KCNQ1: variants seen among roughly 807,000 people sequenced by gnomAD.
KCNQ1 encodes potassium voltage-gated channel subfamily Q member 1.
KCNQ1 carries 49 observed loss-of-function variants against 72.4 expected under a neutral mutation model. That is an observed-to-expected ratio of 0.68 (90% CI 0.54 to 0.86). The LOEUF (loss-of-function observed/expected upper bound fraction) is 0.86. KCNQ1 is among the 40% of genes least tolerant of loss of function. KCNQ1 has a pLI of 0.00. For synonymous variants in KCNQ1, 450 were observed against 412.6 expected, an observed-to-expected ratio of 1.09 and a Z score of -1.10; for missense variants, 790 against 945.1, an observed-to-expected ratio of 0.84 and a Z score of 2.15.
intron 15 of KCNQ1, among the ~76,000 whole-genome samples, chr11:2,779,844 G>C (rs1363478922): frequency 1.3e-5 from 2 of 152,230 alleles, no homozygotes; most frequent in Non-Finnish European, 2.9e-5. Flanking sequence ...AGAGGGGCCA[G>C]CGCTGGCCTT....
intron 1 of KCNQ1, among the ~76,000 whole-genome samples, chr11:2,513,007 C>T (rs1285273558): frequency 1.3e-5 from 2 of 152,132 alleles, no homozygotes; most frequent in Non-Finnish European, 2.9e-5. Flanking sequence ...GGAGAGTTGG[C>T]GGCTCAGGAA....
intron 2 of KCNQ1, 55 bp from the exon 3 acceptor site, chr11:2,570,573 G>A: frequency 2.5e-6 from 4 of 1,605,280 alleles, no homozygotes; most frequent in Non-Finnish European, 3.4e-6. Flanking sequence ...TGCAGGGTCT[G>A]AAGCCACTCA....
Position 2,677,304 on chromosome 11 carries a change from A to G in KCNQ1, c.1514+15223A>G, listed in dbSNP as rs1046874778. The G allele has an allele frequency of 4.3e-5, 17 of 398,642 alleles. No individual in the cohort carries two copies. In the East Asian group the frequency reaches 6.1e-4, roughly 14 times the overall value. The allele number at this position is 398,642 out of a possible 1,614,324, so 24.7% of individuals were successfully genotyped here. On this transcript the variant is annotated intron_variant, in intron 11 of 15. Coordinates refer to ENST00000155840, the MANE Select transcript of KCNQ1 (RefSeq NM_000218.3). This position sits in a 1 kb window ranked among gnomAD's most constrained non-coding sequence, Gnocchi z 4.5. Reference sequence around the variant, plus strand: ...CTTGTCAAAATAGGAGATTTCATCAAGTTAAAGAAAATGATGTCAAATGAT... The same window carrying G: ...CTTGTCAAAATAGGAGATTTCATCAGGTTAAAGAAAATGATGTCAAATGAT...
chr11:2,461,714 AGTAGGTACCCC>A (rs1267886032), intron 1 of KCNQ1: 1 of 1,366,712 alleles, frequency 7.3e-7, no homozygotes, highest in African/African-American at 1.5e-5. Flanking sequence ...CCTGGCATGG[AGTAGGTACCCC>A]GGGGGTGGAC....
rs113892768 is a variant in KCNQ1, at chr11:2,558,425, C to A, written c.478-12203C>A. ...ATTCAGTGTGCTGGGGGTCTCCAGG[C>A]GGGGGGGTCCACATAGTTTTTGCTT... On this transcript the variant is annotated intron_variant, in intron 2 of 15. Transcript: ENST00000155840. 1.6e-4 allele frequency among the ~76,000 whole-genome samples: 24 copies of A among 152,176 alleles called. 1 individual carries two copies. Among genetic ancestry groups the A allele is most frequent in the African/African-American group, 5.3e-4 (22 of 41,458 alleles).
rs1384062987 is a variant in KCNQ1 at position 2,464,593 on chromosome 11, G to C, written c.386+19109G>C. On this transcript the variant is annotated intron_variant, in intron 1 of 15. Transcript: ENST00000155840. This position sits in a 1 kb window ranked among gnomAD's most constrained non-coding sequence, Gnocchi z 5.0. The stretch of plus-strand genomic sequence containing the variant: ...ACATTGGGCCCTGCACCAGGCATGA[G>C]TCCCATGTCCTGTCCTTGGGGAGGC... 6.6e-6 allele frequency among the ~76,000 whole-genome samples: 1 copy of C among 151,980 alleles called. No homozygotes were observed. Among genetic ancestry groups the C allele is most frequent in the Non-Finnish European group, 1.5e-5 (1 of 67,988 alleles).
intron 11 of KCNQ1, chr11:2,672,179 T>C: frequency 2.5e-6 from 1 of 398,696 alleles, no homozygotes; most frequent in Non-Finnish European, 4.4e-6. Context: ...GTGTTTTCTT[T>C]AGGTTCATGT....
intron 1 of KCNQ1, among the ~76,000 whole-genome samples, chr11:2,466,337 C>A (rs531519859): frequency 1.4e-4 from 21 of 152,254 alleles, no homozygotes; most frequent in Admixed American, 4.6e-4. Context: ...GCTGGGACTT[C>A]CCCTCCCCAG....
In KCNQ1 at chr11:2,748,229, C is replaced by T. The variant is rs1009008971; in HGVS notation, c.1515-20615C>T. Among the ~76,000 whole-genome samples the T allele has an allele frequency of 1.3e-5, 2 of 152,140 alleles. No individual in the cohort carries two copies. Among genetic ancestry groups the T allele is most frequent in the African/African-American group, 4.8e-5 (2 of 41,410 alleles). ...CCTGTCTCCTTGTGTCCCCAGACCT[C>T]GGGCGAGGGAGAAGCAAGTTCCCCT... On this transcript the variant is annotated intron_variant, in intron 11 of 15. Transcript: ENST00000155840. The surrounding 1 kb of genome is among the most constrained non-coding windows in gnomAD (Gnocchi z 6.2).
intron 11 of KCNQ1, among the ~76,000 whole-genome samples, chr11:2,743,161 G>A (rs1167820744): frequency 6.6e-6 from 1 of 152,170 alleles, no homozygotes; most frequent in East Asian, 1.9e-4. Flanking sequence ...TGTTTGAGAG[G>A]GAAGGGGCAT....
chr11:2,722,327 C>G (rs1217799652), intron 11 of KCNQ1, among the ~76,000 whole-genome samples: 1 of 152,176 alleles, frequency 6.6e-6, no homozygotes, highest in Non-Finnish European at 1.5e-5. Context: ...GCATGCCTCT[C>G]TGTGGCAGTG....
At chr11:2,765,779 G>T (rs1846486311) in intron 11 of KCNQ1, among the ~76,000 whole-genome samples, 1 of 151,928 alleles carries the variant, frequency 6.6e-6, no homozygotes, top group Non-Finnish European at 1.5e-5. Flanking sequence ...GTTTTCATTT[G>T]GCTACACCAT....
rs970941013 is a variant in KCNQ1 at position 2,450,965 on chromosome 11, T to C, written c.386+5481T>C. ...CCTGGCTGGAGGTGGGGAAGATCCA[T>C]GATGGGACCCAGGTGTCTTCCCACT... On this transcript the variant is annotated intron_variant, in intron 1 of 15. Coordinates refer to ENST00000155840, the MANE Select transcript of KCNQ1 (RefSeq NM_000218.3). This position sits in a 1 kb window ranked among gnomAD's most constrained non-coding sequence, Gnocchi z 7.9. 6.6e-6 allele frequency among the ~76,000 whole-genome samples: 1 copy of C among 152,140 alleles called. No homozygotes were observed. Among genetic ancestry groups the C allele is most frequent in the East Asian group, 1.9e-4 (1 of 5,170 alleles).
At chr11:2,822,750 T>C (rs563923010) in intron 15 of KCNQ1, among the ~76,000 whole-genome samples, 2 of 152,148 alleles carry the variant, frequency 1.3e-5, no homozygotes, top group East Asian at 1.9e-4. Context: ...TGGCAGGGGC[T>C]CAGCTCAGAA....
At chr11:2,825,498 G>A (rs1280771011) in intron 15 of KCNQ1, among the ~76,000 whole-genome samples, 1 of 152,202 alleles carries the variant, frequency 6.6e-6, no homozygotes, top group African/African-American at 2.4e-5. Context: ...TCCAGCCCTT[G>A]CTGCCAGGGG....
At position 2,534,377 on chromosome 11, in the gene KCNQ1, C is replaced by CG. The variant is rs575620352; in HGVS notation, c.477+6362dup. On this transcript the variant is annotated intron_variant, in intron 2 of 15. Coordinates refer to ENST00000155840, the MANE Select transcript of KCNQ1 (RefSeq NM_000218.3). ...CCCGCAGCACCATTTCTGCCGCTGC[C>CG]GGGAAAAGACGCAGAGCAAAGGCAC... Among the ~76,000 whole-genome samples the CG allele has an allele frequency of 2.6e-3, 399 of 152,330 alleles. 1 individual carries two copies. Among genetic ancestry groups the CG allele is most frequent in the Non-Finnish European group, 4.1e-3 (277 of 68,022 alleles).
rs910897676 is a variant in KCNQ1 at position 2,803,575 on chromosome 11, G to A, written c.1794+25538G>A. Among the ~76,000 whole-genome samples the A allele has an allele frequency of 6.6e-6, 1 of 152,096 alleles. No individual in the cohort carries two copies. The highest frequency in any genetic ancestry group is 1.5e-5 in the Non-Finnish European group (1 of 67,986). On this transcript the variant is annotated intron_variant, in intron 15 of 15. Transcript: ENST00000155840. The surrounding 1 kb of genome is among the most constrained non-coding windows in gnomAD (Gnocchi z 6.4). ...CTGGGGGTGATGGGGCTTCAGTGGA[G>A]CCCGCCAGGACTGGGGACACAAGCC... is the stretch of plus-strand genomic sequence containing the variant.
rs1162731917 is a variant in KCNQ1 at position 2,679,919 on chromosome 11, A to T, written c.1514+17838A>T. 7.5e-6 allele frequency: 3 copies of T among 397,422 alleles called. No individual in the cohort carries two copies. The highest frequency in any genetic ancestry group is 6.2e-5 in the African/African-American group (3 of 48,520). 24.6% of individuals were successfully genotyped at this position (397,422 alleles called of 1,614,324 possible). ...TTTATTTTTATTTTTTTTGAGGCAG[A>T]GTCTCACTTTGTCACCTAGGCGGGA... On this transcript the variant is annotated intron_variant, in intron 11 of 15. Coordinates refer to ENST00000155840, the MANE Select transcript of KCNQ1 (RefSeq NM_000218.3). The surrounding 1 kb of genome is among the most constrained non-coding windows in gnomAD (Gnocchi z 4.8).
At chr11:2,615,714 G>T in intron 10 of KCNQ1, 1 of 397,934 alleles carries the variant, frequency 2.5e-6, no homozygotes, top group African/African-American at 2.1e-5. Flanking sequence ...AACCACCCTT[G>T]TATTCTTGAG....
Sources: allele counts gnomAD v4.1 joint callset (sites outside exome capture counted in the v4.1 genomes callset), GRCh38; gene constraint gnomAD v4.1.1; non-coding constraint Gnocchi (gnomAD v3.1); transcripts MANE v1.5; gene names NCBI Gene and HGNC (gene_info 2026-07-23, HGNC 2026-07-21).